The following CAMK2D variants were observed in gnomAD, a reference collection of about 807,000 sequenced individuals.
CAMK2D encodes calcium/calmodulin dependent protein kinase II delta.
Under a neutral mutation model 84.0 loss-of-function variants are expected in CAMK2D, and 37 were observed. That is an observed-to-expected ratio of 0.44 (90% CI 0.34 to 0.58). The LOEUF is 0.58. Ranked by LOEUF, CAMK2D falls within the 20% of genes least tolerant of loss-of-function variation. The pLI is 0.02. For missense variants in CAMK2D, 448 were observed against 652.5 expected (o/e 0.69, Z 3.41); for synonymous variants, 202 against 212.5 (o/e 0.95, Z 0.43).
At chr4:113,593,090 G>A (rs2098900135) in intron 4 of CAMK2D, among the ~76,000 whole-genome samples, 1 of 152,154 alleles carries the variant, frequency 6.6e-6, no homozygotes, top group Non-Finnish European at 1.5e-5. Context: ...CTGGCCTCAA[G>A]TGATCTGCCT....
chr4:113,562,708 C>A (rs944196347), intron 4 of CAMK2D, among the ~76,000 whole-genome samples: 7 of 152,152 alleles, frequency 4.6e-5, no homozygotes, highest in Non-Finnish European at 1.0e-4. Flanking sequence ...TTTTAATAAT[C>A]AATTGTTCAT....
chr4:113,560,989 A>G (rs566201454), intron 4 of CAMK2D, among the ~76,000 whole-genome samples: 1 of 152,296 alleles, frequency 6.6e-6, no homozygotes, highest in East Asian at 1.9e-4. Context: ...CTATCCAAGG[A>G]GGACCCTACA....
chr4:113,623,267 A>G (rs1382827681), intron 3 of CAMK2D, among the ~76,000 whole-genome samples: 1 of 152,070 alleles, frequency 6.6e-6, no homozygotes, highest in Non-Finnish European at 1.5e-5. Context: ...TAGTTCTCTC[A>G]TTAGTAAAGT....
At position 113,613,897 on chromosome 4, in the gene CAMK2D, C is replaced by CGAGA. The variant is rs375777047; in HGVS notation, c.221-4695_221-4692dup. On this transcript the variant is annotated intron_variant, in intron 3 of 20. Transcript: ENST00000511664. ...GTGTGTGTGTGCGAGAGAGAGCGAG[C>CGAGA]GAGAGAGAGAGAGAGGAAGTGGAAA... Among the ~76,000 whole-genome samples, 8 of 148,310 alleles carry CGAGA rather than the reference C, an allele frequency of 5.4e-5. No homozygotes were observed. The Admixed American group carries it at 5.4e-4, about 10-fold the overall frequency.
chr4:113,463,092 A>G (rs1246573255), intron 17 of CAMK2D, among the ~76,000 whole-genome samples: 2 of 152,220 alleles, frequency 1.3e-5, no homozygotes, highest in Admixed American at 1.3e-4. Context: ...ACACTCATAC[A>G]TAAGTATATG....
At chr4:113,551,225 T>C (rs2098626389) in intron 5 of CAMK2D, among the ~76,000 whole-genome samples, 1 of 152,192 alleles carries the variant, frequency 6.6e-6, no homozygotes, top group South Asian at 2.1e-4. Flanking sequence ...AGCAAGTGGT[T>C]AATGTTACTC....
chr4:113,745,726 G>A (rs1436604626), intron 2 of CAMK2D, among the ~76,000 whole-genome samples: 2 of 152,190 alleles, frequency 1.3e-5, no homozygotes, highest in African/African-American at 4.8e-5. Context: ...AGATAAAGCA[G>A]GATATAAAAT....
intron 3 of CAMK2D, among the ~76,000 whole-genome samples, chr4:113,618,340 G>A (rs2099030367): frequency 6.6e-6 from 1 of 152,146 alleles, no homozygotes. Context: ...CAGATGAGCT[G>A]CTTTTATAAC....
chr4:113,605,930 A>G (rs2154264125), intron 4 of CAMK2D, among the ~76,000 whole-genome samples: 1 of 152,304 alleles, frequency 6.6e-6, no homozygotes, highest in Non-Finnish European at 1.5e-5. Context: ...AAAATCACTC[A>G]TCATATCAAG....
intron 6 of CAMK2D, among the ~76,000 whole-genome samples, chr4:113,544,027 A>G (rs1183414348): frequency 1.3e-5 from 2 of 152,016 alleles, no homozygotes; most frequent in African/African-American, 2.4e-5. Flanking sequence ...TCCTGACCTC[A>G]TGATCCACCC....
chr4:113,725,642 T>C (rs1450820284), intron 2 of CAMK2D, among the ~76,000 whole-genome samples: 1 of 152,124 alleles, frequency 6.6e-6, no homozygotes, highest in Non-Finnish European at 1.5e-5. Context: ...CCTAAGTATA[T>C]TTAAATGTAC....
chr4:113,744,716 A>G (rs28593110), intron 2 of CAMK2D, among the ~76,000 whole-genome samples: 23,572 of 152,184 alleles, frequency 0.15, 2,161 homozygotes, highest in African/African-American at 0.25. Flanking sequence ...TAAGAAAACC[A>G]AGGCTTGAGA....
intron 2 of CAMK2D, among the ~76,000 whole-genome samples, chr4:113,673,449 T>C (rs1397854823): frequency 6.6e-6 from 1 of 152,042 alleles, no homozygotes; most frequent in African/African-American, 2.4e-5. Context: ...GGCAAGGCAA[T>C]GTAATCCCAA....
Position 113,761,211 on chromosome 4 carries a change from G to C in CAMK2D, c.-143C>G. On this transcript the variant is annotated 5_prime_UTR_variant, in exon 1 of 21. Coordinates refer to ENST00000511664, the MANE Select transcript of CAMK2D (RefSeq NM_001321571.2). ...GTCCGAAAGTAGCTCGCCCGCGAGG[G>C]AGTGTGCGCAGGGGCGGGGCGGGAG... 6.8e-7 allele frequency: 1 copy of C among 1,479,048 alleles called. No individual in the cohort carries two copies. The highest frequency in any genetic ancestry group is 2.0e-5 in the Admixed American group (1 of 51,036). The allele number at this position is 1,479,048 out of a possible 1,614,324, so 91.6% of individuals were successfully genotyped here. A position where few individuals can be genotyped will look rare whatever the true frequency, so the allele number is the denominator to read the frequency against.
At chr4:113,661,668 A>G (rs995323780) in intron 3 of CAMK2D, 45 bp downstream of exon 3, 81 of 867,192 alleles carry the variant, frequency 9.3e-5, no homozygotes, top group Non-Finnish European at 1.3e-4. Context: ...AAATAACATA[A>G]AATTTTAAAT....
chr4:113,725,860 A>C (rs1392845018), intron 2 of CAMK2D, among the ~76,000 whole-genome samples: 1 of 152,192 alleles, frequency 6.6e-6, no homozygotes, highest in Non-Finnish European at 1.5e-5. Context: ...ATACCATCTA[A>C]GGAAGTAAAT....
At chr4:113,569,822 G>A (rs1352672184) in intron 4 of CAMK2D, among the ~76,000 whole-genome samples, 2 of 152,028 alleles carry the variant, frequency 1.3e-5, no homozygotes, top group East Asian at 1.9e-4. Context: ...CATATGAGTC[G>A]ATTCCTTTAG....
intron 7 of CAMK2D, among the ~76,000 whole-genome samples, chr4:113,536,841 A>C (rs1167355990): frequency 6.6e-6 from 1 of 152,240 alleles, no homozygotes. Flanking sequence ...TGTTGAAGAC[A>C]TACAAAATAA....
At chr4:113,564,014 G>C (rs904248325) in intron 4 of CAMK2D, among the ~76,000 whole-genome samples, 4 of 152,184 alleles carry the variant, frequency 2.6e-5, no homozygotes, top group Non-Finnish European at 5.9e-5. Flanking sequence ...AGAGACTCTT[G>C]ATGGAGATAA....
Sources: gnomAD v4.1 joint callset for allele counts (sites outside exome capture counted in the v4.1 genomes callset) on GRCh38, gnomAD v4.1.1 for gene constraint, MANE v1.5 for transcripts, NCBI Gene and HGNC (gene_info 2026-07-23, HGNC 2026-07-21) for gene names.